The following HAPSTR1 variants were observed in gnomAD, a reference collection of about 807,000 sequenced individuals.
The protein encoded by HAPSTR1 is HUWE1-associated protein modifying stress responses 1.
chr16:9,108,165 A>T, the HAPSTR1 span: 2 of 152,168 alleles, frequency 1.3e-5, no homozygotes, highest in Non-Finnish European at 2.9e-5. Context: ...AAAGCATCAC[A>T]CTAAGGAGGT....
chr16:9,096,973 G>A, the HAPSTR1 span, among the ~76,000 whole-genome samples: 5 of 151,800 alleles, frequency 3.3e-5, no homozygotes, highest in South Asian at 6.2e-4. Context: ...ACGAAGTCTC[G>A]CTCTTGTCCC....
the HAPSTR1 span, among the ~76,000 whole-genome samples, chr16:9,115,860 C>T: frequency 6.6e-6 from 1 of 152,016 alleles, no homozygotes; most frequent in Non-Finnish European, 1.5e-5. Context: ...AGAGATCTGC[C>T]CGGCCTCCCA....
At chr16:9,100,442 C>T in the HAPSTR1 span, among the ~76,000 whole-genome samples, 1 of 152,066 alleles carries the variant, frequency 6.6e-6, no homozygotes, top group South Asian at 2.1e-4. Flanking sequence ...AAACACCTCA[C>T]GTGGCCCCTT....
the HAPSTR1 span, chr16:9,092,856 C>G: frequency 1.2e-5 from 17 of 1,426,516 alleles, no homozygotes; most frequent in Non-Finnish European, 1.6e-5. Flanking sequence ...TGTTCTCTTT[C>G]TTTCTCTTTC....
the HAPSTR1 span, chr16:9,092,257 C>T: frequency 2.6e-6 from 4 of 1,567,050 alleles, no homozygotes; most frequent in African/African-American, 1.4e-5. Flanking sequence ...CCGCCGTGGC[C>T]CAGCTCTACA....
the HAPSTR1 span, chr16:9,112,534 G>C: frequency 1.3e-5 from 2 of 152,154 alleles, no homozygotes; most frequent in Non-Finnish European, 2.9e-5. Flanking sequence ...TGAAGTCCTG[G>C]GCCACTGGCT....
the HAPSTR1 span, among the ~76,000 whole-genome samples, chr16:9,099,852 C>T: frequency 6.6e-6 from 1 of 152,084 alleles, no homozygotes; most frequent in African/African-American, 2.4e-5. Flanking sequence ...TGCAGGTCTC[C>T]TAATTAGCTC....
chr16:9,092,077 G>A, the HAPSTR1 span: 2 of 1,538,272 alleles, frequency 1.3e-6, no homozygotes, highest in Admixed American at 2.0e-5. Flanking sequence ...GCGAGGCCGA[G>A]ATCCAGGAGC....
the HAPSTR1 span, chr16:9,116,825 C>T: frequency 6.2e-7 from 1 of 1,614,160 alleles, no homozygotes; most frequent in Non-Finnish European, 8.5e-7. Flanking sequence ...TCCACTTGGA[C>T]AATGGTGGAA....
the HAPSTR1 span, chr16:9,108,646 T>C: frequency 6.6e-6 from 1 of 152,308 alleles, no homozygotes; most frequent in East Asian, 1.9e-4. Context: ...GAATTTTATA[T>C]CTCTTTCTGA....
At chr16:9,115,737 C>G in the HAPSTR1 span, among the ~76,000 whole-genome samples, 1 of 152,126 alleles carries the variant, frequency 6.6e-6, no homozygotes, top group African/African-American at 2.4e-5. Flanking sequence ...CCTTAGCCTC[C>G]CGAGTAGCTG....
chr16:9,117,905 T>C, the HAPSTR1 span: 6 of 152,664 alleles, frequency 3.9e-5, no homozygotes, highest in Non-Finnish European at 5.9e-5. Context: ...TTTTATCTAC[T>C]AATAATGTGA....
chr16:9,102,761 C>T, the HAPSTR1 span, among the ~76,000 whole-genome samples: 1 of 151,912 alleles, frequency 6.6e-6, no homozygotes, highest in Non-Finnish European at 1.5e-5. Context: ...ACAAGCCAAG[C>T]TCCAGGACTG....
At chr16:9,097,217 G>C in the HAPSTR1 span, among the ~76,000 whole-genome samples, 1 of 151,526 alleles carries the variant, frequency 6.6e-6, no homozygotes, top group Admixed American at 6.6e-5. Flanking sequence ...TGGGATTACA[G>C]GCGTGAGCCA....
chr16:9,102,324 A>G, the HAPSTR1 span, among the ~76,000 whole-genome samples: 1 of 152,348 alleles, frequency 6.6e-6, no homozygotes, highest in South Asian at 2.1e-4. Flanking sequence ...AAATGAAACC[A>G]CTAAAAGGTA....
the HAPSTR1 span, chr16:9,108,331 A>G: frequency 6.6e-6 from 1 of 152,036 alleles, no homozygotes; most frequent in Non-Finnish European, 1.5e-5. Flanking sequence ...AAAATTTCTA[A>G]TTTTCAATAT....
At chr16:9,098,119 T>C in the HAPSTR1 span, among the ~76,000 whole-genome samples, 1 of 152,070 alleles carries the variant, frequency 6.6e-6, no homozygotes, top group Admixed American at 6.6e-5. Context: ...TCATTTGAGG[T>C]CGGGAGTTTG....
chr16:9,115,328 A>G, the HAPSTR1 span, among the ~76,000 whole-genome samples: 1 of 152,204 alleles, frequency 6.6e-6, no homozygotes, highest in African/African-American at 2.4e-5. Context: ...AGCTTACTTG[A>G]AAATCTTATA....
the HAPSTR1 span, chr16:9,106,629 G>C: frequency 1.3e-5 from 2 of 151,920 alleles, no homozygotes; most frequent in Non-Finnish European, 2.9e-5. Context: ...GGTTAGCAAG[G>C]CTTAAAGACT....
Sources: allele counts gnomAD v4.1 joint callset (sites outside exome capture counted in the v4.1 genomes callset), GRCh38; gene constraint gnomAD v4.1.1; transcripts MANE v1.5; gene names NCBI Gene and HGNC (gene_info 2026-07-23, HGNC 2026-07-21).